Variants in C1QTNF1 observed in about 807,000 individuals in gnomAD.
C1QTNF1 encodes the protein C1q and TNF related 1, also known as complement C1q tumor necrosis factor-related protein 1.
Under a neutral mutation model 27.8 loss-of-function variants are expected in C1QTNF1, and 22 were observed. That is an observed-to-expected ratio of 0.79 (90% CI 0.56 to 1.13). The LOEUF (loss-of-function observed/expected upper bound fraction) is 1.13, where lower values mean the gene tolerates loss of function less well. Ranked by LOEUF, C1QTNF1 falls within the 50% of genes most tolerant of loss-of-function variation. The pLI is 0.00. For missense variants in C1QTNF1, 373 were observed against 380.2 expected, an observed-to-expected ratio of 0.98 and a Z score of 0.16; for synonymous variants, 166 against 154.3, an observed-to-expected ratio of 1.08 and a Z score of -0.56.
At chr17:79,027,034 T>A (rs2071983783) in intron 1 of C1QTNF1, among the ~76,000 whole-genome samples, 1 of 146,126 alleles carries the variant, frequency 6.8e-6, no homozygotes, top group Non-Finnish European at 1.5e-5. Flanking sequence ...GCGCAGGGAC[T>A]GGAGCTTCCC....
At chr17:79,047,495 C>A in intron 3 of C1QTNF1, 43 bp from the exon 4 acceptor site, 1 of 1,505,402 alleles carries the variant, frequency 6.6e-7, no homozygotes, top group South Asian at 1.3e-5. Flanking sequence ...AGGACACTAC[C>A]GGATTGCTCC....
chr17:79,048,151 C>A lies in C1QTNF1; in HGVS notation c.*63C>A. On this transcript the variant is annotated 3_prime_UTR_variant, in exon 4 of 4. Coordinates refer to ENST00000579760, the MANE Select transcript of C1QTNF1 (RefSeq NM_030968.5). ...CCCTGCGCTGTGCTGACCCCACCGCCTCTTCCCCGATCCCTGGACTCCGAC... is the reference window on the plus strand; with the variant it reads ...CCCTGCGCTGTGCTGACCCCACCGCATCTTCCCCGATCCCTGGACTCCGAC... 1 of 942,468 alleles carries A rather than the reference C, an allele frequency of 1.1e-6. No homozygotes were observed. The highest frequency in any genetic ancestry group is 1.3e-6 in the Non-Finnish European group (1 of 744,468). The allele number at this position is 942,468 out of a possible 1,614,324, so 58.4% of individuals were successfully genotyped here.
At chr17:79,039,715 G>C (rs1266959130) in intron 1 of C1QTNF1, among the ~76,000 whole-genome samples, 1 of 151,968 alleles carries the variant, frequency 6.6e-6, no homozygotes, top group African/African-American at 2.4e-5. Context: ...AGAAACCACA[G>C]AGTAGAATAA....
chr17:79,030,095 G>A (rs760766778), intron 1 of C1QTNF1, among the ~76,000 whole-genome samples: 1 of 152,018 alleles, frequency 6.6e-6, no homozygotes, highest in South Asian at 2.1e-4. Context: ...GCATCTAGTC[G>A]AGTTTCCTGG....
chr17:79,038,657 G>A (rs1365317867), intron 1 of C1QTNF1, among the ~76,000 whole-genome samples: 1 of 152,192 alleles, frequency 6.6e-6, no homozygotes, highest in Non-Finnish European at 1.5e-5. Flanking sequence ...CAGGTTTCAC[G>A]TCACTGGCCA....
chr17:79,025,903 C>T (rs1568057683), intron 1 of C1QTNF1: 2 of 431,810 alleles, frequency 4.6e-6, no homozygotes, highest in Non-Finnish European at 9.4e-6. Flanking sequence ...ATCATCATCA[C>T]CATCATCATC....
intron 1 of C1QTNF1, chr17:79,043,489 G>T (rs1429418424): frequency 4.4e-6 from 2 of 450,664 alleles, no homozygotes; most frequent in Non-Finnish European, 8.9e-6. Flanking sequence ...TGCGTGGATT[G>T]CATGAGTGTG....
chr17:79,044,213 G>A (rs1387763197), intron 2 of C1QTNF1, 90 bp downstream of exon 2: 112 of 1,384,932 alleles, frequency 8.1e-5, no homozygotes, highest in Non-Finnish European at 1.3e-5. Context: ...CTAGTTCACT[G>A]TGAGATGTGA....
chr17:79,042,217 C>G (rs563939263), intron 1 of C1QTNF1, among the ~76,000 whole-genome samples: 1 of 152,342 alleles, frequency 6.6e-6, no homozygotes, highest in Middle Eastern at 3.4e-3. Flanking sequence ...GGGAGGTTTT[C>G]GGCCCACCTG....
In C1QTNF1 at chr17:79,049,744, C is replaced by T. The variant is rs1285786518; in HGVS notation, c.*1656C>T. On this transcript the variant is annotated 3_prime_UTR_variant, in exon 4 of 4. Coordinates refer to ENST00000579760, the MANE Select transcript of C1QTNF1 (RefSeq NM_030968.5). The surrounding 1 kb of genome is among the most constrained non-coding windows in gnomAD (Gnocchi z 4.4). ...GCCACACTCGCTGCTTAAGCTCCCC[C>T]AGCTCTTTCCAGAAAACATTAAACT... is the stretch of plus-strand genomic sequence containing the variant. 1 of 152,280 alleles carries T rather than the reference C, an allele frequency of 6.6e-6. No homozygotes were observed. Among genetic ancestry groups the T allele is most frequent in the African/African-American group, 2.4e-5 (1 of 41,456 alleles). The allele number at this position is 152,280 out of a possible 1,614,324, so 9.4% of individuals were successfully genotyped here.
chr17:79,043,339 G>A (rs1434044864), intron 1 of C1QTNF1: 2 of 453,486 alleles, frequency 4.4e-6, no homozygotes, highest in East Asian at 7.0e-5. Context: ...GAGTGCATGT[G>A]AGCATGTGGA....
intron 1 of C1QTNF1, among the ~76,000 whole-genome samples, chr17:79,028,883 GGTGTGTGTGTGT>G (rs3223281): frequency 2.0e-5 from 3 of 149,374 alleles, no homozygotes; most frequent in African/African-American, 2.5e-5. Context: ...CACATTTTAA[GGTGTGTGTGTGT>G]GTGTGTGTGT....
upstream of C1QTNF1, among the ~76,000 whole-genome samples, chr17:79,023,704 G>GCGCGCGCGCACACACACA (rs1267428917): frequency 2.0e-4 from 29 of 145,026 alleles, no homozygotes; most frequent in East Asian, 5.2e-3. Flanking sequence ...GCGCGCGCGC[G>GCGCGCGCGCACACACACA]CACACACACA....
chr17:79,030,319 T>TGTGTGTG (rs1568060766), intron 1 of C1QTNF1, among the ~76,000 whole-genome samples: 3 of 147,830 alleles, frequency 2.0e-5, no homozygotes, highest in Non-Finnish European at 4.5e-5. Flanking sequence ...CTTTGTGGTT[T>TGTGTGTG]TGTGTGTGTG....
chr17:79,037,277 G>A (rs575296929), intron 1 of C1QTNF1, among the ~76,000 whole-genome samples: 67 of 152,126 alleles, frequency 4.4e-4, no homozygotes, highest in Middle Eastern at 3.4e-3. Context: ...TTACAGGCAC[G>A]TGCCACCACG....
At chr17:79,028,094 T>A (rs2072022687) in intron 1 of C1QTNF1, among the ~76,000 whole-genome samples, 2 of 152,122 alleles carry the variant, frequency 1.3e-5, no homozygotes, top group Non-Finnish European at 2.9e-5. Context: ...CTGTAGGAAT[T>A]TTCCTTGACA....
Position 79,048,131 on chromosome 17 carries a change from C to CG in C1QTNF1, c.*44dup. On this transcript the variant is annotated 3_prime_UTR_variant, in exon 4 of 4. Coordinates refer to ENST00000579760, the MANE Select transcript of C1QTNF1 (RefSeq NM_030968.5). ...TTCCTCTCGCCACCTTCCACCCCTG[C>CG]GCTGTGCTGACCCCACCGCCTCTTC... The CG allele has an allele frequency of 6.7e-7, 1 of 1,489,464 alleles. No homozygotes were observed. Among genetic ancestry groups the CG allele is most frequent in the Non-Finnish European group, 8.9e-7 (1 of 1,125,692 alleles). The allele number at this position is 1,489,464 out of a possible 1,614,324, so 92.3% of individuals were successfully genotyped here. A position where few individuals can be genotyped will look rare whatever the true frequency, so the allele number is the denominator to read the frequency against.
At chr17:79,039,946 G>GA (rs911141119) in intron 1 of C1QTNF1, among the ~76,000 whole-genome samples, 1 of 151,948 alleles carries the variant, frequency 6.6e-6, no homozygotes, top group Non-Finnish European at 1.5e-5. Context: ...CACTTAAAAG[G>GA]AAAAAACAGA....
intron 1 of C1QTNF1, chr17:79,043,327 T>C (rs903756134): frequency 1.3e-5 from 6 of 453,610 alleles, no homozygotes; most frequent in Admixed American, 2.4e-5. Flanking sequence ...TGCATGTGTG[T>C]TGAGTGCATG....
Sources: gnomAD v4.1 joint callset for allele counts (sites outside exome capture counted in the v4.1 genomes callset) on GRCh38, gnomAD v4.1.1 for gene constraint, Gnocchi (gnomAD v3.1) non-coding constraint, MANE v1.5 for transcripts, NCBI Gene and HGNC (gene_info 2026-07-23, HGNC 2026-07-21) for gene names.